Variants in RBM27 observed in about 807,000 individuals in gnomAD.
RBM27 encodes RNA binding motif protein 27.
A neutral mutation model predicts 135.3 loss-of-function variants in RBM27; 22 were observed. The observed-to-expected ratio is 0.16, with a 90% CI of 0.12 to 0.23. RBM27 has a LOEUF of 0.23. Among genes scored for constraint, RBM27 ranks in the 10% least tolerant of loss-of-function variants. RBM27 has a pLI of 1.00. For synonymous variants in RBM27, 481 were observed against 442.4 expected, an observed-to-expected ratio of 1.09 and a Z score of -1.10; for missense variants, 1,009 against 1,281.0, an observed-to-expected ratio of 0.79 and a Z score of 3.24.
intron 14 of RBM27, among the ~76,000 whole-genome samples, chr5:146,264,061 G>A (rs866464374): frequency 1.9e-4 from 28 of 150,856 alleles, no homozygotes; most frequent in African/African-American, 2.7e-4. Context: ...AGCCAAGGTC[G>A]TACCATTGCA....
chr5:146,269,668 T>C (rs1377400758), intron 17 of RBM27, 84 bp downstream of exon 17: 3 of 934,976 alleles, frequency 3.2e-6, no homozygotes, highest in African/African-American at 1.7e-5. Flanking sequence ...ATGGGACCCT[T>C]AGGTAGCTAA....
chr5:146,280,520 TC>T (rs1759293191), intron 19 of RBM27, among the ~76,000 whole-genome samples: 1 of 152,140 alleles, frequency 6.6e-6, no homozygotes. Context: ...TACCCCAATC[TC>T]CCTTGTTGCT....
intron 19 of RBM27, among the ~76,000 whole-genome samples, chr5:146,280,770 G>A (rs1759308787): frequency 6.6e-6 from 1 of 152,176 alleles, no homozygotes; most frequent in Admixed American, 6.5e-5. Flanking sequence ...GTTTTCAGCT[G>A]AGATAGAAAT....
chr5:146,238,263 C>T (rs1757255039), intron 8 of RBM27, among the ~76,000 whole-genome samples: 1 of 152,164 alleles, frequency 6.6e-6, no homozygotes, highest in South Asian at 2.1e-4. Context: ...AATCCTAGCA[C>T]TTTGGGAGGC....
chr5:146,233,893 T>C (rs1329209566), intron 7 of RBM27, 150 bp downstream of exon 7: 1 of 551,360 alleles, frequency 1.8e-6, no homozygotes, highest in African/African-American at 2.0e-5. Context: ...GCTATTCTTT[T>C]CTTTTTTTCA....
At chr5:146,268,772 G>A (rs1047024352) in intron 15 of RBM27, among the ~76,000 whole-genome samples, 1 of 152,002 alleles carries the variant, frequency 6.6e-6, no homozygotes, top group Non-Finnish European at 1.5e-5. Context: ...TGTAGAGACA[G>A]GGTCTCATTC....
chr5:146,223,624 T>G (rs545940588), intron 3 of RBM27, 97 bp downstream of exon 3: 8 of 1,360,978 alleles, frequency 5.9e-6, no homozygotes, highest in Non-Finnish European at 7.8e-6. Context: ...AATTGTGTAT[T>G]GATTCAAGTT....
rs1049225123 is a variant in RBM27, at chr5:146,258,249, G to A, written c.1595-200G>A. On this transcript the variant is annotated intron_variant, in intron 10 of 20. Coordinates refer to ENST00000265271, the MANE Select transcript of RBM27 (RefSeq NM_018989.2). ...CCATGCCTGAGTCAATTATTACATC[G>A]AGGTTAACTTTGAGTTTTGAAACAT... Among the ~76,000 whole-genome samples, 6 of 152,094 alleles carry A rather than the reference G, an allele frequency of 3.9e-5. 1 individual carries two copies. The highest frequency in any genetic ancestry group is 2.1e-4 in the South Asian group (1 of 4,820).
intron 8 of RBM27, among the ~76,000 whole-genome samples, chr5:146,251,174 T>C (rs1567057): frequency 0.38 from 57,802 of 152,022 alleles, 11,584 homozygotes; most frequent in African/African-American, 0.49. Flanking sequence ...TGGAGCATTT[T>C]TTATTCTTTG....
At chr5:146,264,261 G>A (rs1758520417) in intron 14 of RBM27, among the ~76,000 whole-genome samples, 1 of 151,932 alleles carries the variant, frequency 6.6e-6, no homozygotes, top group Non-Finnish European at 1.5e-5. Flanking sequence ...TCGGCTCACC[G>A]CAACCTCCAC....
intron 7 of RBM27, among the ~76,000 whole-genome samples, chr5:146,235,490 A>G (rs1379867709): frequency 6.6e-6 from 1 of 152,090 alleles, no homozygotes; most frequent in Non-Finnish European, 1.5e-5. Flanking sequence ...CAGGAGGTCA[A>G]GGGTGCAGTG....
chr5:146,208,814 CAT>C (rs1331952979), intron 1 of RBM27, among the ~76,000 whole-genome samples: 4 of 152,092 alleles, frequency 2.6e-5, no homozygotes, highest in Non-Finnish European at 5.9e-5. Flanking sequence ...TCTATCAAAA[CAT>C]GTTGTATTTA....
At chr5:146,259,316 G>T (rs1758260061) in intron 11 of RBM27, among the ~76,000 whole-genome samples, 1 of 151,460 alleles carries the variant, frequency 6.6e-6, no homozygotes, top group African/African-American at 2.4e-5. Flanking sequence ...AGGAGTTCGA[G>T]ACCAGCCTGA....
At position 146,261,851 on chromosome 5, in the gene RBM27, C is replaced by T. The variant is rs948254023; in HGVS notation, c.2190+45C>T. On this transcript the variant is annotated intron_variant, in intron 13 of 20. Coordinates refer to ENST00000265271, the MANE Select transcript of RBM27 (RefSeq NM_018989.2). ...ATTAAAGGTCTTTTAGTTACACCCT[C>T]TAGATCAGTATTTTTCAATTCCTGG... is the stretch of plus-strand genomic sequence containing the variant. 3 of 1,596,396 alleles carry T rather than the reference C, an allele frequency of 1.9e-6. No homozygotes were observed. The African/African-American group carries it at 4.0e-5, about 21-fold the overall frequency.
chr5:146,286,888 G>A lies in RBM27; in HGVS notation c.*858G>A, dbSNP rs1759607677. 6.6e-6 allele frequency: 1 copy of A among 152,270 alleles called. No homozygotes were observed. Among genetic ancestry groups the A allele is most frequent in the Non-Finnish European group, 1.5e-5 (1 of 68,016 alleles). The allele number at this position is 152,270 out of a possible 1,614,324, so 9.4% of individuals were successfully genotyped here. A position where few individuals can be genotyped will look rare whatever the true frequency, so the allele number is the denominator to read the frequency against. On this transcript the variant is annotated 3_prime_UTR_variant, in exon 21 of 21. Coordinates refer to ENST00000265271, the MANE Select transcript of RBM27 (RefSeq NM_018989.2). ...TAATAGGCCTGACTTAGTCATCATT[G>A]ATATAAGTGGTTCATTTGGGCAACC...
chr5:146,273,432 A>G (rs907434202), intron 19 of RBM27, among the ~76,000 whole-genome samples: 41 of 152,290 alleles, frequency 2.7e-4, no homozygotes, highest in African/African-American at 9.9e-4. Context: ...ACACTTAGAA[A>G]AGAGCAAGCA....
intron 9 of RBM27, among the ~76,000 whole-genome samples, chr5:146,254,305 GA>G (rs1344696297): frequency 6.6e-6 from 1 of 151,404 alleles, no homozygotes; most frequent in African/African-American, 2.4e-5. Context: ...TTTAAAATTA[GA>G]AAAAAAAGTG....
At chr5:146,269,680 A>C (rs975388748) in intron 17 of RBM27, 96 bp downstream of exon 17, 2 of 755,316 alleles carry the variant, frequency 2.6e-6, no homozygotes, top group Non-Finnish European at 3.8e-6. Context: ...GGTAGCTAAT[A>C]TCCTAACAGG....
chr5:146,223,258 G>A, intron 2 of RBM27, 145 bp from the exon 3 acceptor site: 1 of 505,868 alleles, frequency 2.0e-6, no homozygotes, highest in East Asian at 3.7e-5. Flanking sequence ...CCTGAAAGTG[G>A]GATTCTCTTC....
Sources: allele counts gnomAD v4.1 joint callset (sites outside exome capture counted in the v4.1 genomes callset), GRCh38; gene constraint gnomAD v4.1.1; transcripts MANE v1.5; gene names NCBI Gene and HGNC (gene_info 2026-07-23, HGNC 2026-07-21).